FLT1: variants seen among roughly 807,000 people sequenced by gnomAD.
The protein encoded by FLT1 is vascular endothelial growth factor receptor 1.
In FLT1, 49 loss-of-function variants were observed where a neutral mutation model predicts 156.3. That is an observed-to-expected ratio of 0.31 (90% CI 0.25 to 0.40). FLT1 has a LOEUF of 0.40. Among genes scored for constraint, FLT1 ranks in the 10% least tolerant of loss-of-function variants. FLT1 has a pLI of 1.00. For synonymous variants in FLT1, 594 were observed against 583.8 expected (o/e 1.02, Z -0.25); for missense variants, 1,322 against 1,637.2 (o/e 0.81, Z 3.32).
chr13:28,413,607 C>A (rs553701042), intron 10 of FLT1, among the ~76,000 whole-genome samples: 21 of 152,168 alleles, frequency 1.4e-4, no homozygotes, highest in African/African-American at 4.8e-4. Flanking sequence ...AATAAGAAAT[C>A]TTTAAAAAAA....
intron 1 of FLT1, among the ~76,000 whole-genome samples, chr13:28,491,994 C>T (rs1308305157): frequency 1.3e-5 from 2 of 152,168 alleles, no homozygotes; most frequent in African/African-American, 4.8e-5. Flanking sequence ...CCTACAGTTC[C>T]TTTGTAACAT....
intron 3 of FLT1, among the ~76,000 whole-genome samples, chr13:28,462,164 G>T (rs548086332): frequency 1.3e-5 from 2 of 152,244 alleles, no homozygotes; most frequent in African/African-American, 4.8e-5. Flanking sequence ...TAAGTTTAAG[G>T]TCTTGCTAAC....
intron 28 of FLT1, among the ~76,000 whole-genome samples, 162 bp downstream of exon 28, chr13:28,308,681 G>A (rs1870855050): frequency 6.6e-6 from 1 of 152,220 alleles, no homozygotes; most frequent in Non-Finnish European, 1.5e-5. Context: ...GTTCTGCACA[G>A]CTAGGTCTAG....
At chr13:28,374,890 CCCACCACCACTA>C (rs1873778184) in intron 14 of FLT1, among the ~76,000 whole-genome samples, 1 of 151,770 alleles carries the variant, frequency 6.6e-6, no homozygotes, top group African/African-American at 2.4e-5. Flanking sequence ...ACACACACAC[CCCACCACCACTA>C]CCACCACCAC....
chr13:28,457,092 G>A lies in FLT1; in HGVS notation c.388+9811C>T, dbSNP rs148212500. Among the ~76,000 whole-genome samples, 548 of 152,108 alleles carry A rather than the reference G, an allele frequency of 3.6e-3. 2 individuals carry two copies. The highest frequency in any genetic ancestry group is 0.012 in the African/African-American group (507 of 41,468). The stretch of plus-strand genomic sequence containing the variant: ...GTTGATAATGAAGACTATGCATGTG[G>A]GGACAAGGGGTATATAGGAAATCTC... On this transcript the variant is annotated intron_variant, in intron 3 of 29. Transcript: ENST00000282397.
intron 3 of FLT1, among the ~76,000 whole-genome samples, chr13:28,459,986 G>C (rs951592041): frequency 6.6e-6 from 1 of 152,246 alleles, no homozygotes; most frequent in African/African-American, 2.4e-5. Flanking sequence ...AGGCGGCAAG[G>C]CTCGGCGATG....
chr13:28,436,446 A>C (rs1376571475), intron 4 of FLT1, among the ~76,000 whole-genome samples: 1 of 152,166 alleles, frequency 6.6e-6, no homozygotes, highest in Non-Finnish European at 1.5e-5. Context: ...TCCCTGTGAA[A>C]ATTTTACACT....
At chr13:28,472,542 C>A (rs983432677) in intron 1 of FLT1, among the ~76,000 whole-genome samples, 1 of 152,214 alleles carries the variant, frequency 6.6e-6, no homozygotes, top group Non-Finnish European at 1.5e-5. Flanking sequence ...CTGGTCGAAC[C>A]CAACTTCAAG....
intron 15 of FLT1, among the ~76,000 whole-genome samples, chr13:28,351,602 T>C (rs1872736402): frequency 6.6e-6 from 1 of 152,194 alleles, no homozygotes; most frequent in African/African-American, 2.4e-5. Context: ...TGTACACCAA[T>C]TTGGAACCAC....
chr13:28,463,182 T>A (rs993180269), intron 3 of FLT1, among the ~76,000 whole-genome samples: 1 of 152,222 alleles, frequency 6.6e-6, no homozygotes, highest in African/African-American at 2.4e-5. Flanking sequence ...AGTAAAGTAG[T>A]TAAATATAAT....
chr13:28,309,359 T>A (rs1215925402), intron 27 of FLT1, among the ~76,000 whole-genome samples: 1 of 114,732 alleles, frequency 8.7e-6, no homozygotes, highest in African/African-American at 4.0e-5. Flanking sequence ...TTTAATGGCA[T>A]AATCGAGTGC....
intron 20 of FLT1, among the ~76,000 whole-genome samples, chr13:28,326,857 G>A (rs1457809405): frequency 6.6e-6 from 1 of 152,124 alleles, no homozygotes; most frequent in African/African-American, 2.4e-5. Flanking sequence ...TTTGCCCTTA[G>A]GTCTTGGGTC....
chr13:28,399,865 T>C (rs950426272), intron 11 of FLT1, among the ~76,000 whole-genome samples: 1 of 152,218 alleles, frequency 6.6e-6, no homozygotes, highest in African/African-American at 2.4e-5. Context: ...CGAACCTTTA[T>C]GTATGCCTTA....
chr13:28,480,754 A>G (rs867403951), intron 1 of FLT1, among the ~76,000 whole-genome samples: 1 of 152,244 alleles, frequency 6.6e-6, no homozygotes, highest in Middle Eastern at 3.4e-3. Flanking sequence ...TCTTCTTTCA[A>G]TGCTGTGGTT....
chr13:28,399,036 G>A lies in FLT1; in HGVS notation c.1552-1968C>T, dbSNP rs80197722. The A allele has an allele frequency of 2.3e-3, 3,565 of 1,542,780 alleles. 59 individuals are homozygous for A. In the African/African-American group the frequency reaches 0.044, roughly 19 times the overall value. Reference sequence around the variant, plus strand: ...TTCCTTGTAATTGTTGTACCCACCCGTTTAGAGTCACGGAAGGAAATGGAA... The same window carrying A: ...TTCCTTGTAATTGTTGTACCCACCCATTTAGAGTCACGGAAGGAAATGGAA... On this transcript the variant is annotated intron_variant, in intron 11 of 29. Coordinates refer to ENST00000282397, the MANE Select transcript of FLT1 (RefSeq NM_002019.4).
intron 1 of FLT1, among the ~76,000 whole-genome samples, chr13:28,476,241 T>C (rs956944487): frequency 6.6e-6 from 1 of 152,154 alleles, no homozygotes; most frequent in African/African-American, 2.4e-5. Flanking sequence ...GAAGAGGTTT[T>C]TGGTGTGTGC....
chr13:28,464,933 A>G (rs1004013013), intron 3 of FLT1, among the ~76,000 whole-genome samples: 1 of 152,234 alleles, frequency 6.6e-6, no homozygotes, highest in African/African-American at 2.4e-5. Flanking sequence ...TGAAAATATT[A>G]GAATGAATAA....
At position 28,439,835 on chromosome 13, in the gene FLT1, A is replaced by G. The variant is rs1878240705; in HGVS notation, c.389-1490T>C. On this transcript the variant is annotated intron_variant, in intron 3 of 29. Coordinates refer to ENST00000282397, the MANE Select transcript of FLT1 (RefSeq NM_002019.4). The surrounding 1 kb of genome is among the most constrained non-coding windows in gnomAD (Gnocchi z 4.1). ...GCAGGTTTCAGAAGGGGCATGGCCC[A>G]GATGATTTGATTTCAGACTTAGAGT... is the stretch of plus-strand genomic sequence containing the variant. Among the ~76,000 whole-genome samples, 1 of 152,204 alleles carries G rather than the reference A, an allele frequency of 6.6e-6. No individual in the cohort carries two copies. Among genetic ancestry groups the G allele is most frequent in the South Asian group, 2.1e-4 (1 of 4,832 alleles).
At chr13:28,357,810 T>C in intron 14 of FLT1, 125 bp from the exon 15 acceptor site, 1 of 808,676 alleles carries the variant, frequency 1.2e-6, no homozygotes, top group Non-Finnish European at 2.1e-6. Flanking sequence ...CTAGTGAACC[T>C]GGGGCAGGGT....
Sources: allele counts gnomAD v4.1 joint callset (sites outside exome capture counted in the v4.1 genomes callset), GRCh38; gene constraint gnomAD v4.1.1; non-coding constraint Gnocchi (gnomAD v3.1); transcripts MANE v1.5; gene names NCBI Gene and HGNC (gene_info 2026-07-23, HGNC 2026-07-21).